Variants in ARHGAP26 observed in about 807,000 individuals in gnomAD.
ARHGAP26 encodes the protein rho GTPase-activating protein 26.
In ARHGAP26, 38 loss-of-function variants were observed where a neutral mutation model predicts 104.8. That is an observed-to-expected ratio of 0.36 (90% confidence interval 0.28 to 0.48). ARHGAP26 has a LOEUF of 0.48. Ranked by LOEUF, ARHGAP26 falls within the 20% of genes least tolerant of loss-of-function variation. The pLI, the probability that ARHGAP26 is intolerant of heterozygous loss-of-function variation, is 0.99. For synonymous variants in ARHGAP26, 341 were observed against 340.0 expected (o/e 1.00, Z -0.03); for missense variants, 704 against 947.9 (o/e 0.74, Z 3.38).
intron 1 of ARHGAP26, among the ~76,000 whole-genome samples, chr5:142,815,907 A>C (rs1597747330): frequency 6.7e-6 from 1 of 149,484 alleles, no homozygotes. Context: ...TGATTCTCCC[A>C]CCTTAGTCTC....
At chr5:142,803,788 G>T (rs149588542) in intron 1 of ARHGAP26, among the ~76,000 whole-genome samples, 1 of 152,316 alleles carries the variant, frequency 6.6e-6, no homozygotes, top group East Asian at 1.9e-4. Context: ...GAGGAGTCCA[G>T]CAGTGAACAT....
At chr5:143,197,506 T>C (rs1171587155) in intron 20 of ARHGAP26, among the ~76,000 whole-genome samples, 1 of 152,236 alleles carries the variant, frequency 6.6e-6, no homozygotes, top group Non-Finnish European at 1.5e-5. Flanking sequence ...GCCTTTTCTT[T>C]TGGATTTTCT....
chr5:143,120,019 C>G (rs931370419), intron 17 of ARHGAP26, among the ~76,000 whole-genome samples: 2 of 152,170 alleles, frequency 1.3e-5, no homozygotes, highest in Non-Finnish European at 2.9e-5. Context: ...AACTGCCTAT[C>G]TCTACCCAAT....
intron 14 of ARHGAP26, among the ~76,000 whole-genome samples, chr5:143,053,891 C>T (rs1785398193): frequency 6.6e-6 from 1 of 152,102 alleles, no homozygotes; most frequent in South Asian, 2.1e-4. Flanking sequence ...ATAATGCAGG[C>T]ATTTTCCATG....
intron 17 of ARHGAP26, among the ~76,000 whole-genome samples, chr5:143,068,216 G>A (rs1787784784): frequency 6.6e-6 from 1 of 152,136 alleles, no homozygotes; most frequent in African/African-American, 2.4e-5. Flanking sequence ...AGGCTCCTGG[G>A]TCAATCACGT....
intron 20 of ARHGAP26, among the ~76,000 whole-genome samples, chr5:143,196,919 G>A (rs1234569988): frequency 1.3e-5 from 2 of 152,172 alleles, no homozygotes; most frequent in Non-Finnish European, 2.9e-5. Context: ...ATACATTTTA[G>A]TAAGTAGGTG....
intron 12 of ARHGAP26, among the ~76,000 whole-genome samples, chr5:143,024,727 G>A (rs1780796670): frequency 6.6e-6 from 1 of 152,154 alleles, no homozygotes; most frequent in Non-Finnish European, 1.5e-5. Flanking sequence ...ATTTACAGAT[G>A]TGAAAACTGA....
At chr5:142,918,248 G>A (rs1273878403) in intron 10 of ARHGAP26, among the ~76,000 whole-genome samples, 3 of 152,108 alleles carry the variant, frequency 2.0e-5, no homozygotes, top group South Asian at 2.1e-4. Flanking sequence ...CCGGGTTCAA[G>A]CGATTCTCCT....
At chr5:142,931,509 G>A (rs895535254) in intron 10 of ARHGAP26, among the ~76,000 whole-genome samples, 1 of 152,126 alleles carries the variant, frequency 6.6e-6, no homozygotes, top group Admixed American at 6.5e-5. Context: ...AAAAAATACT[G>A]TGCACATTTA....
intron 20 of ARHGAP26, among the ~76,000 whole-genome samples, chr5:143,166,765 AACC>A (rs1802010334): frequency 6.6e-6 from 1 of 152,210 alleles, no homozygotes; most frequent in Non-Finnish European, 1.5e-5. Context: ...CTGGGTTACC[AACC>A]TTTCAGCAGG....
At chr5:143,142,440 T>C (rs1439761975) in intron 19 of ARHGAP26, among the ~76,000 whole-genome samples, 2 of 152,100 alleles carry the variant, frequency 1.3e-5, no homozygotes, top group Non-Finnish European at 2.9e-5. Flanking sequence ...GCGCCCGGCC[T>C]ACTTTTCAAC....
chr5:143,035,128 A>C, intron 12 of ARHGAP26, among the ~76,000 whole-genome samples: 1 of 152,344 alleles, frequency 6.6e-6, no homozygotes, highest in East Asian at 1.9e-4. Flanking sequence ...ACTAAGCAAT[A>C]AGTATGTATG....
In ARHGAP26 at chr5:142,890,117, CAA is replaced by C. The variant is rs372848706; in HGVS notation, c.487-4120_487-4119del. ...CGCCATTGTACTCCAGCCTGGGTAA[CAA>C]GAGCGAAACTCCGTCTTAAAAAAAA... On this transcript the variant is annotated intron_variant, in intron 5 of 22. Transcript: ENST00000645722. Among the ~76,000 whole-genome samples, 81 of 93,318 alleles carry C rather than the reference CAA, an allele frequency of 8.7e-4. 1 individual carries two copies. The highest frequency in any genetic ancestry group is 2.5e-3 in the African/African-American group (59 of 23,638). 61.2% of individuals were successfully genotyped at this position (93,318 alleles called of 152,430 possible).
At position 142,838,214 on chromosome 5, in the gene ARHGAP26, C is replaced by T. The variant is rs143367829; in HGVS notation, c.155-35186C>T. Among the ~76,000 whole-genome samples, 987 of 151,600 alleles carry T rather than the reference C, an allele frequency of 6.5e-3. 9 individuals carry two copies. The highest frequency in any genetic ancestry group is 0.031 in the Middle Eastern group (9 of 294). ...CAAAGGTTGCAGTGAGCTGAGATCC[C>T]ACCACTGCACTCCAGCCTGGGCAAG... On this transcript the variant is annotated intron_variant, in intron 1 of 22. Transcript: ENST00000645722.
In ARHGAP26 at chr5:142,933,816, G is replaced by A. The variant is rs185050245; in HGVS notation, c.1107+1691G>A. 2.0e-5 allele frequency among the ~76,000 whole-genome samples: 3 copies of A among 152,348 alleles called. No homozygotes were observed. The East Asian group carries it at 5.8e-4, about 29-fold the overall frequency. ...AAAGAAGAAGAGGAGAAAGGATACT[G>A]TGAATAGTTGGCAGTCTCCATCCTA... is the stretch of plus-strand genomic sequence containing the variant. On this transcript the variant is annotated intron_variant, in intron 11 of 22. Coordinates refer to ENST00000645722, the MANE Select transcript of ARHGAP26 (RefSeq NM_001135608.3).
At chr5:142,823,904 T>C (rs1766700107) in intron 1 of ARHGAP26, among the ~76,000 whole-genome samples, 2 of 152,248 alleles carry the variant, frequency 1.3e-5, no homozygotes, top group African/African-American at 4.8e-5. Context: ...TTTTCACTTT[T>C]TAAAAGTGGT....
At chr5:143,107,526 C>T (rs3776311) in intron 17 of ARHGAP26, among the ~76,000 whole-genome samples, 36 of 152,122 alleles carry the variant, frequency 2.4e-4, no homozygotes, top group Admixed American at 2.0e-3. Context: ...TTGAGCCAGG[C>T]AAAGCAAGAT....
At chr5:143,107,691 AGG>A (rs1794207735) in intron 17 of ARHGAP26, among the ~76,000 whole-genome samples, 2 of 152,224 alleles carry the variant, frequency 1.3e-5, no homozygotes, top group African/African-American at 4.8e-5. Flanking sequence ...TGGGTGGATC[AGG>A]GACCCAGATC....
chr5:142,822,998 C>A (rs113380754), intron 1 of ARHGAP26, among the ~76,000 whole-genome samples: 2,070 of 152,272 alleles, frequency 0.014, 56 homozygotes, highest in African/African-American at 0.048. Context: ...TTGATAATAG[C>A]AGCTATCATT....
Sources: allele counts gnomAD v4.1 joint callset (sites outside exome capture counted in the v4.1 genomes callset), GRCh38; gene constraint gnomAD v4.1.1; transcripts MANE v1.5; gene names NCBI Gene and HGNC (gene_info 2026-07-23, HGNC 2026-07-21).